RFC1: variants seen among roughly 807,000 people sequenced by gnomAD.
RFC1 encodes the protein A1 140 kDa subunit.
A neutral mutation model predicts 137.4 loss-of-function variants in RFC1; 37 were observed. The observed-to-expected ratio is 0.27, with a 90% confidence interval of 0.21 to 0.35. RFC1 has a LOEUF of 0.35. RFC1 is among the 10% of genes least tolerant of loss of function. The probability of loss-of-function intolerance (pLI) is 1.00; values close to 1 mark genes in which losing one functional copy is unlikely to be tolerated. For synonymous variants in RFC1, 429 were observed against 455.7 expected (o/e 0.94, Z 0.75); for missense variants, 1,205 against 1,358.5 (o/e 0.89, Z 1.78).
chr4:39,337,063 A>C (rs1443605737), intron 4 of RFC1, among the ~76,000 whole-genome samples: 1 of 152,192 alleles, frequency 6.6e-6, no homozygotes. Context: ...GGGAGGGTTA[A>C]GCCATTAAGT....
intron 13 of RFC1, 142 bp downstream of exon 13, chr4:39,308,494 T>C (rs1738795596): frequency 8.8e-7 from 1 of 1,131,138 alleles, no homozygotes; most frequent in Admixed American, 2.4e-5. Flanking sequence ...CAGGGTCTAG[T>C]ACTGCACCTG....
chr4:39,341,649 T>C (rs544485965), intron 4 of RFC1: 25 of 456,244 alleles, frequency 5.5e-5, no homozygotes, highest in South Asian at 3.9e-4. Flanking sequence ...CCCGTATTAT[T>C]CCGGTTATTG....
At chr4:39,298,727 G>A (rs567633672) in intron 21 of RFC1, among the ~76,000 whole-genome samples, 1 of 152,296 alleles carries the variant, frequency 6.6e-6, no homozygotes, top group African/African-American at 2.4e-5. Flanking sequence ...GTAAAACACA[G>A]CAAATGAAAC....
chr4:39,358,042 A>T (rs1012348839), intron 1 of RFC1, among the ~76,000 whole-genome samples: 2 of 152,062 alleles, frequency 1.3e-5, no homozygotes, highest in Non-Finnish European at 2.9e-5. Flanking sequence ...TGGGAGGCCA[A>T]GGCGGGTGGA....
intron 1 of RFC1, among the ~76,000 whole-genome samples, chr4:39,361,204 C>T (rs1398608102): frequency 2.0e-5 from 3 of 152,028 alleles, no homozygotes; most frequent in Non-Finnish European, 4.4e-5. Flanking sequence ...GCCTGGCCAA[C>T]AGGACAAAAC....
At chr4:39,318,540 A>G (rs1284221982) in intron 9 of RFC1, among the ~76,000 whole-genome samples, 1 of 152,240 alleles carries the variant, frequency 6.6e-6, no homozygotes, top group African/African-American at 2.4e-5. Context: ...AATAGACTTT[A>G]TTTGACGTTT....
chr4:39,322,944 G>A (rs1739593103), intron 7 of RFC1, among the ~76,000 whole-genome samples: 2 of 151,886 alleles, frequency 1.3e-5, no homozygotes. Context: ...AATTAGATGG[G>A]TGTGGTGGCA....
intron 1 of RFC1, among the ~76,000 whole-genome samples, chr4:39,353,027 GACACACAC>G (rs59032726): frequency 1.3e-5 from 2 of 150,858 alleles, no homozygotes; most frequent in African/African-American, 2.4e-5. Context: ...AAATAAGTGT[GACACACAC>G]ACACACACAC....
In RFC1 at chr4:39,288,722, G is replaced by T; in HGVS notation, c.*39C>A. 7.7e-7 allele frequency: 1 copy of T among 1,304,208 alleles called. No homozygotes were observed. The highest frequency in any genetic ancestry group is 1.1e-6 in the Non-Finnish European group (1 of 900,086). The allele number at this position is 1,304,208 out of a possible 1,614,324, so 80.8% of individuals were successfully genotyped here. On this transcript the variant is annotated 3_prime_UTR_variant, in exon 25 of 25. Transcript: ENST00000349703. ...TCTAGACCAGCTGGACTGGTCAGGA[G>T]GGAGAGTAAAAAGTGGCTGTCGCTA... is the stretch of plus-strand genomic sequence containing the variant.
chr4:39,292,443 G>C (rs1252600878), intron 22 of RFC1, among the ~76,000 whole-genome samples: 1 of 152,032 alleles, frequency 6.6e-6, no homozygotes, highest in African/African-American at 2.4e-5. Context: ...AACAGTCTCT[G>C]GTCTGCTGAG....
intron 15 of RFC1, among the ~76,000 whole-genome samples, chr4:39,304,107 T>G (rs1738511565): frequency 6.6e-6 from 1 of 152,198 alleles, no homozygotes; most frequent in African/African-American, 2.4e-5. Context: ...GAGTGACATT[T>G]CCTGAGCAAA....
chr4:39,298,195 C>A (rs1166314241), intron 21 of RFC1, among the ~76,000 whole-genome samples: 1 of 151,200 alleles, frequency 6.6e-6, no homozygotes, highest in Non-Finnish European at 1.5e-5. Flanking sequence ...ATGGTCCCAG[C>A]TACTTGCAGG....
intron 21 of RFC1, among the ~76,000 whole-genome samples, chr4:39,296,090 A>G (rs1737976195): frequency 6.6e-6 from 1 of 152,198 alleles, no homozygotes; most frequent in Non-Finnish European, 1.5e-5. Flanking sequence ...CTTAAGAGGG[A>G]TATGATGGTC....
chr4:39,293,001 G>C (rs1737774345), intron 22 of RFC1, among the ~76,000 whole-genome samples: 1 of 152,096 alleles, frequency 6.6e-6, no homozygotes, highest in Non-Finnish European at 1.5e-5. Flanking sequence ...GAAGCAAAAA[G>C]AAATGATTCT....
At position 39,345,570 on chromosome 4, in the gene RFC1, G is replaced by T. The variant is rs1578160359; in HGVS notation, c.133-94C>A. On this transcript the variant is annotated intron_variant, in intron 2 of 24. Coordinates refer to ENST00000349703, the MANE Select transcript of RFC1 (RefSeq NM_002913.5). ...GAGTCTCACTCTGTCATCCAGGCTG[G>T]AGCGCAGTGGCACGATCTCGGCTCA... The T allele has an allele frequency of 2.5e-5, 24 of 959,650 alleles. 1 individual carries two copies. In the South Asian group the frequency reaches 3.6e-4, roughly 15 times the overall value. The allele number at this position is 959,650 out of a possible 1,614,324, so 59.4% of individuals were successfully genotyped here.
At chr4:39,321,262 T>C (rs1240547514) in intron 8 of RFC1, 25 bp downstream of exon 8, 1 of 1,547,200 alleles carries the variant, frequency 6.5e-7, no homozygotes, top group Admixed American at 1.7e-5. Flanking sequence ...AAGTGCTCCA[T>C]CTTACTTTTT....
At position 39,351,400 on chromosome 4, in the gene RFC1, G is replaced by A. The variant is rs1232681406; in HGVS notation, c.80C>T (p.Thr27Ile). ...VSETVKKNEK[T>I]KSDEETLKAK... ...TTTTAAAGTTTCTTCATCAGACTTT[G>A]TTTTCTCATTCTTCTTTACTGTTTC... The change falls in exon 2 of 25, where the codon ACA (threonine) becomes ATA (isoleucine). Residue 27 changes from threonine (T) to isoleucine (I), a missense_variant. Physicochemically the swap from Thr to Ile is moderately conservative, Grantham distance 89 (BLOSUM62 -1). Around this residue, in one of 3 missense-constraint regions of RFC1, gnomAD observed 962 missense variants for 1,035.3 expected, o/e 0.93. Coordinates refer to ENST00000349703, the MANE Select transcript of RFC1 (RefSeq NM_002913.5). 6.4e-7 allele frequency: 1 copy of A among 1,556,410 alleles called. No homozygotes were observed. Among genetic ancestry groups the A allele is most frequent in the African/African-American group, 1.4e-5 (1 of 70,430 alleles).
chr4:39,341,619 G>A (rs1337536115), intron 4 of RFC1: 2 of 456,114 alleles, frequency 4.4e-6, no homozygotes, highest in East Asian at 6.9e-5. Flanking sequence ...CACTGGGTCT[G>A]GCCCTTTCAC....
chr4:39,310,009 C>T (rs945135920), intron 12 of RFC1, among the ~76,000 whole-genome samples: 14 of 152,102 alleles, frequency 9.2e-5, no homozygotes, highest in African/African-American at 3.4e-4. Context: ...CAGTGGGATG[C>T]TGAATCATCT....
Sources: gnomAD v4.1 joint callset for allele counts (sites outside exome capture counted in the v4.1 genomes callset) on GRCh38, gnomAD v4.1.1 for gene constraint, gnomAD v4.1.1 regional missense constraint, MANE v1.5 for transcripts, NCBI Gene and HGNC (gene_info 2026-07-23, HGNC 2026-07-21) for gene names.